The following ROBO2 variants were observed in gnomAD, a reference collection of about 807,000 sequenced individuals.
ROBO2 encodes roundabout homolog 2.
A neutral mutation model predicts 160.8 loss-of-function variants in ROBO2; 53 were observed. The observed-to-expected ratio is 0.33, with a 90% CI of 0.26 to 0.41. The LOEUF is 0.41. Ranked by LOEUF, ROBO2 falls within the 10% of genes least tolerant of loss-of-function variation. The probability of loss-of-function intolerance (pLI) is 1.00; values close to 1 mark genes in which losing one functional copy is unlikely to be tolerated. For missense variants in ROBO2, 1,577 were observed against 1,722.4 expected, an observed-to-expected ratio of 0.92 and a Z score of 1.49; for synonymous variants, 664 against 611.7, an observed-to-expected ratio of 1.09 and a Z score of -1.26.
At chr3:77,096,044 C>T (rs559754221) in intron 1 of ROBO2, among the ~76,000 whole-genome samples, 2 of 151,718 alleles carry the variant, frequency 1.3e-5, no homozygotes, top group East Asian at 3.9e-4. Flanking sequence ...AAGAGTTATT[C>T]CTCTTCAAAA....
intron 2 of ROBO2, among the ~76,000 whole-genome samples, chr3:76,348,512 CTACTTCTCCTGA>C (rs2074673785): frequency 6.6e-6 from 1 of 152,088 alleles, no homozygotes; most frequent in African/African-American, 2.4e-5. Flanking sequence ...AAGAATTAGG[CTACTTCTCCTGA>C]AGGCAGCCCT....
At chr3:77,465,337 CTAAG>C (rs2082663823) in intron 2 of ROBO2, among the ~76,000 whole-genome samples, 1 of 152,086 alleles carries the variant, frequency 6.6e-6, no homozygotes, top group African/African-American at 2.4e-5. Flanking sequence ...TCTCATGCAG[CTAAG>C]TAAGTAGTAA....
intron 2 of ROBO2, among the ~76,000 whole-genome samples, chr3:76,241,779 A>G (rs1219434077): frequency 6.6e-6 from 1 of 152,216 alleles, no homozygotes; most frequent in Non-Finnish European, 1.5e-5. Flanking sequence ...AAATGATTAT[A>G]CATTTCCAGG....
At chr3:76,898,595 A>G (rs780765790) in intron 2 of ROBO2, among the ~76,000 whole-genome samples, 2 of 152,158 alleles carry the variant, frequency 1.3e-5, no homozygotes, top group Non-Finnish European at 2.9e-5. Flanking sequence ...TTTACAAATG[A>G]ACATTAACAA....
intron 2 of ROBO2, among the ~76,000 whole-genome samples, chr3:77,116,607 A>G (rs1365757964): frequency 6.6e-6 from 1 of 152,138 alleles, no homozygotes; most frequent in Non-Finnish European, 1.5e-5. Flanking sequence ...GGAAGTATTT[A>G]CCTGTAATTC....
chr3:77,493,376 G>T, exon 5 of ROBO2: 2 of 1,614,046 alleles, frequency 1.2e-6, no homozygotes, highest in Middle Eastern at 1.6e-4. Context: ...GACTTGCCAA[G>T]AGGAAGGTAA....
intron 2 of ROBO2, among the ~76,000 whole-genome samples, chr3:76,679,097 T>C (rs1257513563): frequency 9.1e-6 from 1 of 110,402 alleles, no homozygotes; most frequent in African/African-American, 3.8e-5. Context: ...TTCAGAACTT[T>C]AACAGAGCTT....
In ROBO2 at chr3:77,102,264, A is replaced by G. The variant is rs139393837; in HGVS notation, c.388+3924A>G. Among the ~76,000 whole-genome samples the G allele has an allele frequency of 2.7e-4, 41 of 150,550 alleles. No individual in the cohort carries two copies. The East Asian group carries it at 8.0e-3, about 29-fold the overall frequency. On this transcript the variant is annotated intron_variant, in intron 2 of 25. Coordinates refer to ENST00000461745, the Ensembl canonical transcript of ROBO2. Reference sequence around the variant, plus strand: ...GTACCTCAACCTCTGCATTACTGACATTTGGGATCAGAAAATTATTTAGTG... The same window carrying G: ...GTACCTCAACCTCTGCATTACTGACGTTTGGGATCAGAAAATTATTTAGTG...
chr3:77,512,766 T>C (rs1189480192), intron 5 of ROBO2, among the ~76,000 whole-genome samples: 3 of 151,996 alleles, frequency 2.0e-5, no homozygotes, highest in Non-Finnish European at 2.9e-5. Context: ...TTCGGCTATT[T>C]GAATTGAGTG....
rs141293187 is a variant in ROBO2 at position 77,255,862 on chromosome 3, T to C, written c.388+157522T>C. Among the ~76,000 whole-genome samples, 64 of 152,348 alleles carry C rather than the reference T, an allele frequency of 4.2e-4. 1 individual carries two copies. The East Asian group carries it at 0.012, about 29-fold the overall frequency. ...CTCGTCAAAGGAAATCCTATGGGTA[T>C]GTGAGAATGGAAGGCTTCCAGTCAC... On this transcript the variant is annotated intron_variant, in intron 2 of 25. Coordinates refer to ENST00000461745, the Ensembl canonical transcript of ROBO2.
At chr3:76,146,776 C>T (rs933546815) in intron 2 of ROBO2, among the ~76,000 whole-genome samples, 1 of 90,622 alleles carries the variant, frequency 1.1e-5, no homozygotes, top group Non-Finnish European at 2.3e-5. Flanking sequence ...AGAATTCTAT[C>T]ATTACCACAG....
chr3:77,308,031 A>T (rs2063237647), intron 2 of ROBO2, among the ~76,000 whole-genome samples: 1 of 151,786 alleles, frequency 6.6e-6, no homozygotes, highest in Non-Finnish European at 1.5e-5. Context: ...TCTAGAAACC[A>T]CCTGAATTAT....
intron 2 of ROBO2, among the ~76,000 whole-genome samples, chr3:76,349,677 G>A (rs758285459): frequency 1.2e-4 from 19 of 152,122 alleles, no homozygotes; most frequent in South Asian, 4.1e-4. Flanking sequence ...GCCTGCCACA[G>A]TGTAACGGAT....
chr3:77,088,352 GT>G (rs996414255), intron 1 of ROBO2, among the ~76,000 whole-genome samples: 1 of 152,024 alleles, frequency 6.6e-6, no homozygotes, highest in African/African-American at 2.4e-5. Context: ...AATGCTGAAG[GT>G]TTTATTTTAC....
chr3:76,923,741 C>T (rs1052166581), intron 2 of ROBO2, among the ~76,000 whole-genome samples: 9 of 152,224 alleles, frequency 5.9e-5, no homozygotes, highest in East Asian at 1.9e-4. Flanking sequence ...ACTGTGCTGA[C>T]AGCCTGAAAC....
chr3:76,323,043 A>G (rs2072696818), intron 2 of ROBO2, among the ~76,000 whole-genome samples: 1 of 152,144 alleles, frequency 6.6e-6, no homozygotes, highest in Non-Finnish European at 1.5e-5. Context: ...AAACAAGGTC[A>G]TATATGCAAA....
chr3:77,246,276 C>T (rs1407499552), intron 2 of ROBO2, among the ~76,000 whole-genome samples: 5 of 150,628 alleles, frequency 3.3e-5, no homozygotes, highest in South Asian at 2.1e-4. Flanking sequence ...AAGACCTCTG[C>T]GACAGGAGTG....
intron 2 of ROBO2, among the ~76,000 whole-genome samples, chr3:77,430,291 A>G (rs1221178581): frequency 6.6e-6 from 1 of 152,136 alleles, no homozygotes; most frequent in Admixed American, 6.5e-5. Context: ...AAAGCCTTAG[A>G]TAATAAAATT....
At chr3:77,604,196 T>G (rs2094482927) in intron 20 of ROBO2, among the ~76,000 whole-genome samples, 1 of 152,176 alleles carries the variant, frequency 6.6e-6, no homozygotes, top group Admixed American at 6.5e-5. Context: ...TAAACATCTG[T>G]TATGAATTTA....
Sources: gnomAD v4.1 joint callset for allele counts (sites outside exome capture counted in the v4.1 genomes callset) on GRCh38, gnomAD v4.1.1 for gene constraint, MANE v1.5 for transcripts, NCBI Gene and HGNC (gene_info 2026-07-23, HGNC 2026-07-21) for gene names.